Variants in CADPS observed in about 807,000 individuals in gnomAD.
CADPS encodes the protein calcium-dependent secretion activator 1.
CADPS carries 57 observed loss-of-function variants against 167.3 expected under a neutral mutation model. That is an observed-to-expected ratio of 0.34 (90% CI 0.28 to 0.42). CADPS has a LOEUF of 0.42. CADPS is among the 20% of genes least tolerant of loss of function. The pLI is 1.00. For missense variants in CADPS, 1,414 were observed against 1,738.1 expected (o/e 0.81, Z 3.32); for synonymous variants, 676 against 635.3 (o/e 1.06, Z -0.96).
intron 7 of CADPS, 50 bp from the exon 8 acceptor site, chr3:62,585,374 T>C: frequency 6.4e-7 from 1 of 1,566,514 alleles, no homozygotes. Flanking sequence ...ACCATTATGT[T>C]TTTATAGATT....
At chr3:62,582,442 T>C (rs1327132515) in intron 8 of CADPS, among the ~76,000 whole-genome samples, 2 of 152,106 alleles carry the variant, frequency 1.3e-5, no homozygotes, top group African/African-American at 2.4e-5. Context: ...CCCCACCCCA[T>C]CTCAAAAAAA....
At chr3:62,756,406 A>G (rs1240729878) in intron 2 of CADPS, among the ~76,000 whole-genome samples, 2 of 152,172 alleles carry the variant, frequency 1.3e-5, no homozygotes, top group African/African-American at 4.8e-5. Flanking sequence ...AAGGAATTGA[A>G]CAATAAGGTT....
chr3:62,700,192 G>T (rs1309928106), intron 3 of CADPS, among the ~76,000 whole-genome samples: 1 of 152,056 alleles, frequency 6.6e-6, no homozygotes, highest in Non-Finnish European at 1.5e-5. Context: ...CATCTGTAGT[G>T]GTTTAAAACA....
chr3:62,484,662 A>G (rs754751390), intron 21 of CADPS, among the ~76,000 whole-genome samples: 3 of 152,136 alleles, frequency 2.0e-5, no homozygotes, highest in Non-Finnish European at 4.4e-5. Context: ...TCTTACATGG[A>G]TGAATGTCAC....
chr3:62,691,056 G>C (rs528402564), intron 3 of CADPS, among the ~76,000 whole-genome samples: 6 of 151,990 alleles, frequency 3.9e-5, no homozygotes, highest in African/African-American at 1.5e-4. Context: ...ATGTTGCTGA[G>C]TGAGGAAAGC....
chr3:62,564,861 T>C (rs1165766462), intron 9 of CADPS, among the ~76,000 whole-genome samples: 1 of 152,086 alleles, frequency 6.6e-6, no homozygotes, highest in Non-Finnish European at 1.5e-5. Flanking sequence ...TGACTCAGCC[T>C]CCCAAGGGGC....
intron 5 of CADPS, among the ~76,000 whole-genome samples, chr3:62,646,321 T>A (rs989580091): frequency 3.3e-5 from 5 of 151,804 alleles, no homozygotes; most frequent in Non-Finnish European, 7.4e-5. Context: ...CACGCCACCA[T>A]GCCCAGCTAA....
intron 1 of CADPS, among the ~76,000 whole-genome samples, chr3:62,769,968 A>G (rs774434124): frequency 2.0e-5 from 3 of 152,082 alleles, no homozygotes; most frequent in African/African-American, 2.4e-5. Flanking sequence ...ATCTTAGCAC[A>G]TGGCCTGGCA....
chr3:62,466,462 C>G, intron 24 of CADPS, 49 bp from the exon 25 acceptor site: 1 of 1,174,288 alleles, frequency 8.5e-7, no homozygotes. Context: ...GGTGATGGCA[C>G]TGCATCCGTC....
intron 4 of CADPS, among the ~76,000 whole-genome samples, chr3:62,654,586 C>A (rs536710022): frequency 6.6e-6 from 1 of 152,146 alleles, no homozygotes; most frequent in Admixed American, 6.6e-5. Flanking sequence ...TATGGCCTCT[C>A]TGGAGAGTGA....
In CADPS at chr3:62,873,218, T is replaced by G. The variant is rs1199325120; in HGVS notation, c.441+1371A>C. Among the ~76,000 whole-genome samples, 7 of 152,362 alleles carry G rather than the reference T, an allele frequency of 4.6e-5. No homozygotes were observed. The East Asian group carries it at 1.3e-3, about 29-fold the overall frequency. ...GAAATAAATCATCAGTGCTGGGTGG[T>G]GTGTGTACACATGTAAGCAAAACAA... is the stretch of plus-strand genomic sequence containing the variant. On this transcript the variant is annotated intron_variant, in intron 1 of 29. Coordinates refer to ENST00000383710, the MANE Select transcript of CADPS (RefSeq NM_003716.4).
At chr3:62,843,370 G>A (rs2076910218) in intron 1 of CADPS, among the ~76,000 whole-genome samples, 1 of 152,176 alleles carries the variant, frequency 6.6e-6, no homozygotes, top group Non-Finnish European at 1.5e-5. Context: ...TCGAGGCTAT[G>A]AAACAGAAAT....
At chr3:62,775,170 T>G (rs1489954191) in intron 1 of CADPS, among the ~76,000 whole-genome samples, 1 of 152,070 alleles carries the variant, frequency 6.6e-6, no homozygotes, top group East Asian at 1.9e-4. Context: ...CCCAAGTAGC[T>G]GGGATTACAG....
At chr3:62,614,035 G>C (rs2061889490) in intron 6 of CADPS, among the ~76,000 whole-genome samples, 1 of 152,104 alleles carries the variant, frequency 6.6e-6, no homozygotes. Context: ...GAGGGCCTGG[G>C]AAAATCTCAG....
At chr3:62,844,072 T>C (rs1261788911) in intron 1 of CADPS, among the ~76,000 whole-genome samples, 1 of 152,106 alleles carries the variant, frequency 6.6e-6, no homozygotes, top group East Asian at 1.9e-4. Context: ...AGAGGAGTGA[T>C]TATTATTGTT....
At chr3:62,817,891 C>A (rs924507624) in intron 1 of CADPS, among the ~76,000 whole-genome samples, 1 of 152,098 alleles carries the variant, frequency 6.6e-6, no homozygotes, top group African/African-American at 2.4e-5. Flanking sequence ...GTCTATATTA[C>A]CACATTTCCC....
chr3:62,614,302 A>G (rs2061933014), intron 6 of CADPS, among the ~76,000 whole-genome samples: 1 of 152,190 alleles, frequency 6.6e-6, no homozygotes, highest in Non-Finnish European at 1.5e-5. Flanking sequence ...TTTGCTAAGT[A>G]TATGTGACCC....
intron 17 of CADPS, chr3:62,500,025 T>C (rs909398935): frequency 6.6e-6 from 1 of 152,246 alleles, no homozygotes; most frequent in African/African-American, 2.4e-5. Flanking sequence ...CTGGCTTATG[T>C]TGCCTTCTTT....
intron 28 of CADPS, among the ~76,000 whole-genome samples, chr3:62,423,708 A>G (rs976938945): frequency 1.3e-5 from 2 of 152,168 alleles, no homozygotes; most frequent in Non-Finnish European, 1.5e-5. Context: ...AATTACATGC[A>G]TTATTACACT....
Sources: allele counts gnomAD v4.1 joint callset (sites outside exome capture counted in the v4.1 genomes callset), GRCh38; gene constraint gnomAD v4.1.1; transcripts MANE v1.5; gene names NCBI Gene and HGNC (gene_info 2026-07-23, HGNC 2026-07-21).